CYP7B1: variants seen among roughly 807,000 people sequenced by gnomAD.
The protein encoded by CYP7B1 is cytochrome P450 family 7 subfamily B member 1, also known as cytochrome P450 7B1.
In CYP7B1, 29 loss-of-function variants were observed where a neutral mutation model predicts 42.7. That is an observed-to-expected ratio of 0.68 (90% CI 0.51 to 0.93). CYP7B1 has a LOEUF of 0.93. Ranked by LOEUF, CYP7B1 falls within the 40% of genes least tolerant of loss-of-function variation. The probability of loss-of-function intolerance (pLI) is 0.00; values close to 1 mark genes in which losing one functional copy is unlikely to be tolerated. For synonymous variants in CYP7B1, 235 were observed against 218.2 expected (o/e 1.08, Z -0.68); for missense variants, 655 against 600.5 (o/e 1.09, Z -0.95).
intron 1 of CYP7B1, among the ~76,000 whole-genome samples, chr8:64,641,689 G>T (rs1056546709): frequency 6.6e-6 from 1 of 152,044 alleles, no homozygotes; most frequent in African/African-American, 2.4e-5. Flanking sequence ...TGTTTCTCCG[G>T]GTAAAAGCAT....
chr8:64,789,898 ATGTCAAAGAC>A (rs1804590390), intron 1 of CYP7B1, among the ~76,000 whole-genome samples: 1 of 152,236 alleles, frequency 6.6e-6, no homozygotes. Flanking sequence ...CAAGAAAAAG[ATGTCAAAGAC>A]TGAACTCAGA....
chr8:64,652,456 T>C (rs1448787829), intron 1 of CYP7B1, among the ~76,000 whole-genome samples: 2 of 152,136 alleles, frequency 1.3e-5, no homozygotes, highest in African/African-American at 4.8e-5. Context: ...GTGAAAGAAC[T>C]GAAATCATAC....
At chr8:64,707,732 A>G (rs1420160182) in intron 1 of CYP7B1, among the ~76,000 whole-genome samples, 3 of 151,868 alleles carry the variant, frequency 2.0e-5, no homozygotes, top group Non-Finnish European at 4.4e-5. Flanking sequence ...TTGTTTTTCT[A>G]AAGACTTAAA....
At chr8:64,746,019 C>T (rs1807638884) in intron 1 of CYP7B1, among the ~76,000 whole-genome samples, 1 of 151,768 alleles carries the variant, frequency 6.6e-6, no homozygotes, top group Non-Finnish European at 1.5e-5. Flanking sequence ...GTTTTTTAAT[C>T]TATTTGATAT....
At chr8:64,650,757 T>A (rs1297566984) in intron 1 of CYP7B1, among the ~76,000 whole-genome samples, 1 of 152,258 alleles carries the variant, frequency 6.6e-6, no homozygotes, top group Non-Finnish European at 1.5e-5. Flanking sequence ...CCTTGACATT[T>A]ATTTTTTTAA....
chr8:64,618,187 A>G (rs990611528), intron 2 of CYP7B1, among the ~76,000 whole-genome samples: 24 of 151,690 alleles, frequency 1.6e-4, no homozygotes, highest in African/African-American at 4.8e-4. Flanking sequence ...TCTGCCTGTC[A>G]AATAATTGAA....
At chr8:64,764,700 GAAGA>G (rs1202019877) in intron 1 of CYP7B1, among the ~76,000 whole-genome samples, 1 of 152,122 alleles carries the variant, frequency 6.6e-6, no homozygotes, top group African/African-American at 2.4e-5. Flanking sequence ...TTTGCTAACA[GAAGA>G]AAGTAGAAAA....
At chr8:64,737,042 C>G (rs570165338) in intron 1 of CYP7B1, among the ~76,000 whole-genome samples, 1 of 152,252 alleles carries the variant, frequency 6.6e-6, no homozygotes, top group Admixed American at 6.5e-5. Context: ...TTCTAGAGCT[C>G]TCTGTGTACA....
At chr8:64,771,717 T>C (rs1460679258) in intron 1 of CYP7B1, among the ~76,000 whole-genome samples, 2 of 152,328 alleles carry the variant, frequency 1.3e-5, no homozygotes, top group South Asian at 2.1e-4. Context: ...CCAATCATCA[T>C]AATCATTCCC....
In CYP7B1 at chr8:64,594,682, A is replaced by G. The variant is rs536710171; in HGVS notation, c.*1960T>C. Among the ~76,000 whole-genome samples the G allele has an allele frequency of 9.2e-5, 14 of 152,332 alleles. 1 individual carries two copies. The South Asian group carries it at 2.9e-3, about 32-fold the overall frequency. On this transcript the variant is annotated 3_prime_UTR_variant, in exon 6 of 6. Transcript: ENST00000310193. Reference sequence around the variant, plus strand: ...ATGAACCTAGAGTTAAAACAAAAAGAAGGAAAAAACAAACTCAGTGGATGA... The same window carrying G: ...ATGAACCTAGAGTTAAAACAAAAAGGAGGAAAAAACAAACTCAGTGGATGA...
chr8:64,738,050 A>T (rs924423310), intron 1 of CYP7B1, among the ~76,000 whole-genome samples: 1 of 152,220 alleles, frequency 6.6e-6, no homozygotes, highest in Non-Finnish European at 1.5e-5. Context: ...TCTCTTTCAG[A>T]TATGAATTTT....
At chr8:64,773,817 G>A (rs1804276321) in intron 1 of CYP7B1, among the ~76,000 whole-genome samples, 1 of 152,204 alleles carries the variant, frequency 6.6e-6, no homozygotes, top group Non-Finnish European at 1.5e-5. Flanking sequence ...GAGCAAGAAA[G>A]CCAGAGAGAG....
intron 1 of CYP7B1, among the ~76,000 whole-genome samples, chr8:64,668,688 G>GA (rs140094704): frequency 0.023 from 2,612 of 114,074 alleles, 86 homozygotes; most frequent in African/African-American, 0.078. Context: ...TTTTTAAAAG[G>GA]AAAAAAAATC....
intron 1 of CYP7B1, among the ~76,000 whole-genome samples, chr8:64,691,598 G>A (rs1171365476): frequency 6.6e-6 from 1 of 151,784 alleles, no homozygotes; most frequent in African/African-American, 2.4e-5. Flanking sequence ...CTGAGACATA[G>A]TAGGTACATG....
intron 1 of CYP7B1, among the ~76,000 whole-genome samples, chr8:64,733,809 A>G (rs969369768): frequency 5.3e-5 from 8 of 150,986 alleles, no homozygotes; most frequent in African/African-American, 1.2e-4. Flanking sequence ...CATCTCTACA[A>G]TTTTTTTTTA....
At chr8:64,626,353 T>C (rs960943657) in intron 1 of CYP7B1, among the ~76,000 whole-genome samples, 8 of 152,182 alleles carry the variant, frequency 5.3e-5, no homozygotes, top group Admixed American at 1.3e-4. Flanking sequence ...GTTTTAGAAG[T>C]TGGAAAGTTT....
intron 4 of CYP7B1, among the ~76,000 whole-genome samples, chr8:64,606,850 C>G (rs942576287): frequency 1.3e-5 from 2 of 152,196 alleles, no homozygotes; most frequent in Admixed American, 6.5e-5. Context: ...TTACGTGGCT[C>G]TGCAGAATAA....
intron 1 of CYP7B1, among the ~76,000 whole-genome samples, chr8:64,721,982 C>T (rs117558351): frequency 2.0e-5 from 3 of 152,002 alleles, no homozygotes; most frequent in Non-Finnish European, 2.9e-5. Flanking sequence ...TTATAAACCT[C>T]GAATTAACTA....
chr8:64,706,558 A>G (rs1055987362), intron 1 of CYP7B1, among the ~76,000 whole-genome samples: 2 of 152,086 alleles, frequency 1.3e-5, no homozygotes, highest in Non-Finnish European at 2.9e-5. Flanking sequence ...AGTTGCAGCA[A>G]GAAATCCTGG....
Sources: allele counts gnomAD v4.1 joint callset (sites outside exome capture counted in the v4.1 genomes callset), GRCh38; gene constraint gnomAD v4.1.1; transcripts MANE v1.5; gene names NCBI Gene and HGNC (gene_info 2026-07-23, HGNC 2026-07-21).